The following NRG1 variants were observed in gnomAD, a reference collection of about 807,000 sequenced individuals.
NRG1 encodes neuregulin 1.
A neutral mutation model predicts 63.8 loss-of-function variants in NRG1; 18 were observed. The ratio of observed to expected loss-of-function variants is 0.28; its 90% CI spans 0.19 to 0.42. The LOEUF (loss-of-function observed/expected upper bound fraction) is 0.42, where lower values mean the gene tolerates loss of function less well. Among genes scored for constraint, NRG1 ranks in the 10% least tolerant of loss-of-function variants. NRG1 has a pLI of 1.00. For missense variants in NRG1, 762 were observed against 814.7 expected (o/e 0.94, Z 0.79); for synonymous variants, 302 against 301.3 (o/e 1.00, Z -0.02).
intron 1 of NRG1, among the ~76,000 whole-genome samples, chr8:32,118,513 G>A (rs895048618): frequency 8.6e-5 from 13 of 152,000 alleles, no homozygotes; most frequent in South Asian, 2.1e-4. Context: ...CCAAATAAAC[G>A]TCTTTTCTTT....
At chr8:32,240,038 G>T (rs1392348360) in intron 1 of NRG1, among the ~76,000 whole-genome samples, 4 of 152,162 alleles carry the variant, frequency 2.6e-5, no homozygotes, top group Non-Finnish European at 5.9e-5. Context: ...TGATTCAGCA[G>T]TTGTGCTCTT....
At chr8:31,793,818 G>C (rs1820940830) in intron 1 of NRG1, among the ~76,000 whole-genome samples, 1 of 152,124 alleles carries the variant, frequency 6.6e-6, no homozygotes, top group East Asian at 1.9e-4. Context: ...CATTTGTCAA[G>C]ATACAACTTT....
chr8:32,087,237 A>G (rs2131222720), intron 1 of NRG1, among the ~76,000 whole-genome samples: 1 of 152,188 alleles, frequency 6.6e-6, no homozygotes, highest in East Asian at 1.9e-4. Flanking sequence ...TGAATGGCTT[A>G]GTACCATCTG....
chr8:32,405,089 A>G (rs1813775014), intron 1 of NRG1, among the ~76,000 whole-genome samples: 1 of 152,182 alleles, frequency 6.6e-6, no homozygotes, highest in South Asian at 2.1e-4. Flanking sequence ...CACCATACAG[A>G]TCTGAATTTG....
chr8:31,762,234 C>G (rs1472835658), intron 1 of NRG1, among the ~76,000 whole-genome samples: 1 of 152,102 alleles, frequency 6.6e-6, no homozygotes, highest in Admixed American at 6.6e-5. Context: ...TGTGTCATTC[C>G]CCTCTCTGTG....
At chr8:32,113,115 T>C (rs1407400554) in intron 1 of NRG1, among the ~76,000 whole-genome samples, 1 of 152,150 alleles carries the variant, frequency 6.6e-6, no homozygotes, top group African/African-American at 2.4e-5. Flanking sequence ...TTGACCTCAC[T>C]GTGCAGCTGG....
chr8:31,704,256 T>C (rs1480394045), intron 1 of NRG1, among the ~76,000 whole-genome samples: 2 of 152,232 alleles, frequency 1.3e-5, no homozygotes, highest in African/African-American at 4.8e-5. Flanking sequence ...AACTAGTTTT[T>C]TGAATTCTCT....
At chr8:31,832,654 T>C (rs2129606189) in intron 1 of NRG1, among the ~76,000 whole-genome samples, 1 of 152,314 alleles carries the variant, frequency 6.6e-6, no homozygotes, top group Non-Finnish European at 1.5e-5. Flanking sequence ...TTTAGTACTT[T>C]GTATTTCTTT....
chr8:31,883,377 A>G (rs1031996207), intron 1 of NRG1, among the ~76,000 whole-genome samples: 1 of 152,138 alleles, frequency 6.6e-6, no homozygotes, highest in Non-Finnish European at 1.5e-5. Flanking sequence ...CAAAAAATTC[A>G]GGTGACTTGC....
intron 1 of NRG1, among the ~76,000 whole-genome samples, chr8:31,960,640 A>G (rs2129625780): frequency 6.6e-6 from 1 of 152,314 alleles, no homozygotes; most frequent in Non-Finnish European, 1.5e-5. Flanking sequence ...CTACGGAGCT[A>G]CTTTTGGCAG....
intron 1 of NRG1, among the ~76,000 whole-genome samples, chr8:32,580,417 A>C (rs527311341): frequency 6.6e-6 from 1 of 152,290 alleles, no homozygotes; most frequent in African/African-American, 2.4e-5. Context: ...TAAAATGCTA[A>C]AATTTTCTGA....
At chr8:31,663,559 G>A (rs1238193165) in intron 1 of NRG1, among the ~76,000 whole-genome samples, 1 of 152,156 alleles carries the variant, frequency 6.6e-6, no homozygotes, top group Non-Finnish European at 1.5e-5. Flanking sequence ...TCACACTTCT[G>A]TGGGTGTCCT....
chr8:32,441,240 A>T (rs1008844130), intron 1 of NRG1: 5 of 152,126 alleles, frequency 3.3e-5, no homozygotes, highest in African/African-American at 1.2e-4. Flanking sequence ...TGTTTCTATG[A>T]ACAACCAGAT....
At chr8:31,862,975 T>G (rs754316801) in intron 1 of NRG1, among the ~76,000 whole-genome samples, 1 of 152,184 alleles carries the variant, frequency 6.6e-6, no homozygotes, top group African/African-American at 2.4e-5. Context: ...TTTCTATGAA[T>G]CATGTGTTAG....
chr8:31,744,549 G>A (rs1006280767), intron 1 of NRG1, among the ~76,000 whole-genome samples: 20 of 151,872 alleles, frequency 1.3e-4, no homozygotes, highest in South Asian at 2.1e-4. Context: ...CTCAGTTTCC[G>A]GTGGATTTAT....
chr8:32,339,076 G>A (rs1685116), intron 1 of NRG1, among the ~76,000 whole-genome samples: 1 of 151,880 alleles, frequency 6.6e-6, no homozygotes, highest in African/African-American at 2.4e-5. Context: ...CTACAAAATT[G>A]TCACTTTTTA....
intron 1 of NRG1, among the ~76,000 whole-genome samples, chr8:32,463,021 T>G (rs1396413319): frequency 6.6e-6 from 1 of 152,138 alleles, no homozygotes; most frequent in Non-Finnish European, 1.5e-5. Context: ...ATTTGATTTT[T>G]TTTTTTTTTT....
chr8:32,389,109 G>A (rs556016839), intron 1 of NRG1, among the ~76,000 whole-genome samples: 5 of 152,198 alleles, frequency 3.3e-5, no homozygotes, highest in South Asian at 2.1e-4. Flanking sequence ...GTCTTAAAAC[G>A]TCTGTCCAGC....
intron 1 of NRG1, among the ~76,000 whole-genome samples, chr8:31,856,232 C>T (rs866866572): frequency 1.7e-3 from 254 of 152,288 alleles, no homozygotes; most frequent in African/African-American, 5.1e-3. Flanking sequence ...CCATTCTCCC[C>T]GTCACTTTCA....
Sources: allele counts gnomAD v4.1 joint callset (sites outside exome capture counted in the v4.1 genomes callset), GRCh38; gene constraint gnomAD v4.1.1; transcripts MANE v1.5; gene names NCBI Gene and HGNC (gene_info 2026-07-23, HGNC 2026-07-21).